The following NTM variants were observed in gnomAD, a reference collection of about 807,000 sequenced individuals.
NTM encodes the protein neurotrimin, also known as IgLON family member 2.
A neutral mutation model predicts 42.1 loss-of-function variants in NTM; 13 were observed. The observed-to-expected ratio is 0.31, with a 90% confidence interval of 0.20 to 0.49. NTM has a LOEUF of 0.49. Among genes scored for constraint, NTM ranks in the 20% least tolerant of loss-of-function variants. NTM has a pLI of 0.99. For missense variants in NTM, 373 were observed against 452.8 expected (o/e 0.82, Z 1.60); for synonymous variants, 187 against 179.2 (o/e 1.04, Z -0.35).
At chr11:132,167,945 C>A (rs577322612) in intron 3 of NTM, among the ~76,000 whole-genome samples, 2 of 152,214 alleles carry the variant, frequency 1.3e-5, no homozygotes, top group East Asian at 1.9e-4. Flanking sequence ...AAACGACTAA[C>A]TGGAAATACT....
At chr11:132,231,595 C>T (rs1160550851) in intron 4 of NTM, among the ~76,000 whole-genome samples, 1 of 152,280 alleles carries the variant, frequency 6.6e-6, no homozygotes, top group East Asian at 1.9e-4. Flanking sequence ...TGGATACATT[C>T]TTATTTCTAT....
intron 1 of NTM, among the ~76,000 whole-genome samples, chr11:131,404,509 A>T (rs1945601572): frequency 6.6e-6 from 1 of 152,034 alleles, no homozygotes; most frequent in Non-Finnish European, 1.5e-5. Flanking sequence ...CTTCTCCGGG[A>T]GATCTCATCC....
chr11:131,832,661 C>T (rs7952360), intron 1 of NTM, among the ~76,000 whole-genome samples: 527 of 152,238 alleles, frequency 3.5e-3, no homozygotes, highest in African/African-American at 0.012. Flanking sequence ...ATTCCGTGGC[C>T]TTAGATGATT....
At chr11:131,501,284 G>C (rs2046796698) in intron 1 of NTM, among the ~76,000 whole-genome samples, 1 of 152,166 alleles carries the variant, frequency 6.6e-6, no homozygotes, top group African/African-American at 2.4e-5. Context: ...GGGCAGCCTG[G>C]GGGCTTTGGC....
At chr11:131,692,945 T>G (rs2074968964) in intron 1 of NTM, among the ~76,000 whole-genome samples, 2 of 152,192 alleles carry the variant, frequency 1.3e-5, no homozygotes, top group African/African-American at 4.8e-5. Context: ...ATTAAATGAA[T>G]TTAGCTGGGA....
chr11:131,449,237 G>A (rs951975705), intron 1 of NTM, among the ~76,000 whole-genome samples: 1 of 151,302 alleles, frequency 6.6e-6, no homozygotes. Flanking sequence ...CAACACAGAA[G>A]GACAGCCGGG....
At chr11:131,915,646 G>T (rs1472330542) in intron 2 of NTM, among the ~76,000 whole-genome samples, 5 of 152,118 alleles carry the variant, frequency 3.3e-5, no homozygotes, top group Non-Finnish European at 5.9e-5. Context: ...CCCAAGACTG[G>T]GTAATTTATA....
chr11:131,825,763 G>T (rs1333011137), intron 1 of NTM, among the ~76,000 whole-genome samples: 2 of 152,066 alleles, frequency 1.3e-5, no homozygotes, highest in East Asian at 1.9e-4. Context: ...ATAAAAAGAG[G>T]GTAGGGTACA....
At chr11:131,494,843 C>G (rs1280206680) in intron 1 of NTM, among the ~76,000 whole-genome samples, 1 of 152,340 alleles carries the variant, frequency 6.6e-6, no homozygotes, top group South Asian at 2.1e-4. Flanking sequence ...AATGAAGATG[C>G]AGCTGTCACC....
chr11:131,683,961 G>A (rs982592806), intron 1 of NTM, among the ~76,000 whole-genome samples: 5 of 152,190 alleles, frequency 3.3e-5, no homozygotes, highest in Admixed American at 2.6e-4. Context: ...GCAGGCGGTG[G>A]CAAGAGGTTA....
chr11:132,193,230 C>T (rs534951889), intron 3 of NTM, among the ~76,000 whole-genome samples: 1 of 152,074 alleles, frequency 6.6e-6, no homozygotes, highest in East Asian at 1.9e-4. Flanking sequence ...ATGGCACATA[C>T]TCTAAGATCA....
At chr11:131,472,107 C>A (rs989227430) in intron 1 of NTM, among the ~76,000 whole-genome samples, 1 of 152,108 alleles carries the variant, frequency 6.6e-6, no homozygotes, top group Non-Finnish European at 1.5e-5. Context: ...ATAAGCTGGC[C>A]CCCTCAGAGG....
intron 1 of NTM, among the ~76,000 whole-genome samples, chr11:131,851,316 A>G (rs1480887272): frequency 6.6e-6 from 1 of 152,184 alleles, no homozygotes; most frequent in African/African-American, 2.4e-5. Flanking sequence ...TGTACAGTCC[A>G]GCACCGGCAT....
At position 131,418,787 on chromosome 11, in the gene NTM, A is replaced by G. The variant is rs190731798; in HGVS notation, c.82+47899A>G. 4.6e-5 allele frequency among the ~76,000 whole-genome samples: 7 copies of G among 152,342 alleles called. No homozygotes were observed. The East Asian group carries it at 9.6e-4, about 21-fold the overall frequency. On this transcript the variant is annotated intron_variant, in intron 1 of 8. Coordinates refer to ENST00000683400, the MANE Select transcript of NTM (RefSeq NM_001352005.2). ...CTCTATTAAATTGCAAGAAATCAAA[A>G]CAGATCACCAAGGTTTTGTCTGTCA...
intron 1 of NTM, among the ~76,000 whole-genome samples, chr11:131,828,242 A>G (rs138439650): frequency 6.6e-6 from 1 of 152,246 alleles, no homozygotes; most frequent in East Asian, 1.9e-4. Context: ...GTCAGCTGTT[A>G]TTATTTGTAC....
chr11:131,584,209 G>A (rs1217712420), intron 1 of NTM, among the ~76,000 whole-genome samples: 3 of 152,166 alleles, frequency 2.0e-5, no homozygotes, highest in African/African-American at 4.8e-5. Context: ...AAGGACTTAC[G>A]ACGTCCCCAT....
At chr11:131,883,155 G>T (rs945752521) in intron 1 of NTM, among the ~76,000 whole-genome samples, 3 of 152,158 alleles carry the variant, frequency 2.0e-5, no homozygotes, top group Non-Finnish European at 4.4e-5. Context: ...TTTTTCTTGG[G>T]CTGTTTGCTA....
chr11:132,245,818 G>C (rs889172345), intron 4 of NTM, among the ~76,000 whole-genome samples: 13 of 152,190 alleles, frequency 8.5e-5, no homozygotes, highest in African/African-American at 3.1e-4. Flanking sequence ...TTTCTTAGGA[G>C]TTGCAGCATT....
chr11:131,454,307 T>C (rs754763717), intron 1 of NTM, among the ~76,000 whole-genome samples: 13 of 152,128 alleles, frequency 8.5e-5, no homozygotes, highest in Non-Finnish European at 1.6e-4. Flanking sequence ...CTATGTGGGG[T>C]TCTGTACTAT....
Sources: gnomAD v4.1 joint callset for allele counts (sites outside exome capture counted in the v4.1 genomes callset) on GRCh38, gnomAD v4.1.1 for gene constraint, MANE v1.5 for transcripts, NCBI Gene and HGNC (gene_info 2026-07-23, HGNC 2026-07-21) for gene names.